The following MTHFD1L variants were observed in gnomAD, a reference collection of about 807,000 sequenced individuals.
The protein encoded by MTHFD1L is methylenetetrahydrofolate dehydrogenase (NADP+ dependent) 1 like.
A neutral mutation model predicts 119.5 loss-of-function variants in MTHFD1L; 81 were observed. That is an observed-to-expected ratio of 0.68 (90% CI 0.57 to 0.82). The LOEUF is 0.82. MTHFD1L is among the 40% of genes least tolerant of loss of function. The pLI is 0.00. For missense variants in MTHFD1L, 1,125 were observed against 1,253.4 expected (o/e 0.90, Z 1.55); for synonymous variants, 430 against 475.2 (o/e 0.90, Z 1.24).
rs534456760 is a variant in MTHFD1L, at chr6:150,984,573, A to G, written c.2125+12515A>G. On this transcript the variant is annotated intron_variant, in intron 20 of 27. Coordinates refer to ENST00000367321, the MANE Select transcript of MTHFD1L (RefSeq NM_015440.5). ...AAACACAGGAACCAAAAACAAGGGA[A>G]AAAAAAAAAAAAAGGAAGATAAATA... Among the ~76,000 whole-genome samples the G allele has an allele frequency of 3.7e-3, 532 of 143,950 alleles. 2 individuals carry two copies. Among genetic ancestry groups the G allele is most frequent in the African/African-American group, 0.012 (443 of 36,690 alleles). The allele number at this position is 143,950 out of a possible 152,430, so 94.4% of individuals were successfully genotyped here.
At chr6:150,947,259 A>T (rs905329528) in intron 15 of MTHFD1L, among the ~76,000 whole-genome samples, 1 of 150,288 alleles carries the variant, frequency 6.7e-6, no homozygotes, top group Non-Finnish European at 1.5e-5. Context: ...CATGCCAGCG[A>T]ATTTTTTGTA....
rs555962937 is a variant in MTHFD1L, at chr6:151,051,184, C to G, written c.2847+14067C>G. ...ATGAATAGAGCAAAATCACCCCTATCAGAAATTTCAAGAGTTTTAGGAAAC... is the reference window on the plus strand; with the variant it reads ...ATGAATAGAGCAAAATCACCCCTATGAGAAATTTCAAGAGTTTTAGGAAAC... On this transcript the variant is annotated intron_variant, in intron 26 of 27. Transcript: ENST00000367321. Among the ~76,000 whole-genome samples the G allele has an allele frequency of 2.0e-5, 3 of 152,296 alleles. No individual in the cohort carries two copies. The South Asian group carries it at 6.2e-4, about 32-fold the overall frequency.
At chr6:150,898,366 T>C (rs991049589) in intron 7 of MTHFD1L, among the ~76,000 whole-genome samples, 9 of 152,154 alleles carry the variant, frequency 5.9e-5, no homozygotes, top group Admixed American at 5.9e-4. Flanking sequence ...ACTCCACTCA[T>C]GGTGCTCTCC....
At position 151,023,385 on chromosome 6, in the gene MTHFD1L, A is replaced by G. The variant is rs570522923; in HGVS notation, c.2586+7692A>G. The stretch of plus-strand genomic sequence containing the variant: ...GCTTGACCAGACCTTCTGCAAACAC[A>G]CCTTAGATCCCTCTCAAATCTAGAT... On this transcript the variant is annotated intron_variant, in intron 24 of 27. Transcript: ENST00000367321. Among the ~76,000 whole-genome samples the G allele has an allele frequency of 9.2e-5, 14 of 151,704 alleles. No individual in the cohort carries two copies. The South Asian group carries it at 2.9e-3, about 32-fold the overall frequency.
chr6:150,911,614 A>G (rs1786891008), intron 8 of MTHFD1L, among the ~76,000 whole-genome samples: 1 of 152,124 alleles, frequency 6.6e-6, no homozygotes, highest in African/African-American at 2.4e-5. Flanking sequence ...GGAATCACAT[A>G]TATCTTACAT....
chr6:151,098,486 C>T (rs1409345436), intron 27 of MTHFD1L, among the ~76,000 whole-genome samples: 3 of 152,164 alleles, frequency 2.0e-5, no homozygotes, highest in East Asian at 3.9e-4. Context: ...TGCCTTCTTC[C>T]TTTCTGCTTC....
intron 11 of MTHFD1L, among the ~76,000 whole-genome samples, chr6:150,936,560 G>C (rs1333184459): frequency 6.6e-6 from 1 of 152,188 alleles, no homozygotes; most frequent in African/African-American, 2.4e-5. Flanking sequence ...TGAAACTGAT[G>C]TTGTTATTAG....
chr6:151,002,230 A>C (rs1342682092), intron 20 of MTHFD1L, among the ~76,000 whole-genome samples: 1 of 152,236 alleles, frequency 6.6e-6, no homozygotes, highest in Non-Finnish European at 1.5e-5. Context: ...GGTTGCTAGC[A>C]GACAGGCCTT....
At chr6:150,974,524 G>A (rs908814636) in intron 20 of MTHFD1L, among the ~76,000 whole-genome samples, 4 of 152,070 alleles carry the variant, frequency 2.6e-5, no homozygotes, top group African/African-American at 9.7e-5. Context: ...CTGCAGAACC[G>A]AAGTCCCATG....
At chr6:150,956,173 G>GGGGA in intron 17 of MTHFD1L, 102 bp downstream of exon 17, 4 of 1,159,078 alleles carry the variant, frequency 3.5e-6, no homozygotes, top group Non-Finnish European at 5.1e-6. Flanking sequence ...CCAACCTGTT[G>GGGGA]TGGCCAGTGG....
intron 13 of MTHFD1L, among the ~76,000 whole-genome samples, chr6:150,939,702 T>TTTTTTTTTTTA (rs1792751088): frequency 5.4e-5 from 8 of 149,018 alleles, no homozygotes; most frequent in South Asian, 2.1e-4. Flanking sequence ...TTTTTTTTTT[T>TTTTTTTTTTTA]GAGACAGAGT....
At chr6:151,077,464 G>A (rs1204069732) in intron 26 of MTHFD1L, among the ~76,000 whole-genome samples, 3 of 152,164 alleles carry the variant, frequency 2.0e-5, no homozygotes, top group Non-Finnish European at 4.4e-5. Flanking sequence ...TCAACCTGAT[G>A]AAACCCCATC....
At chr6:150,933,938 C>G (rs1166241713) in intron 11 of MTHFD1L, among the ~76,000 whole-genome samples, 1 of 152,164 alleles carries the variant, frequency 6.6e-6, no homozygotes, top group African/African-American at 2.4e-5. Context: ...TTTTATACTA[C>G]GCCTTCTTAG....
intron 26 of MTHFD1L, among the ~76,000 whole-genome samples, chr6:151,066,718 T>C (rs1791319689): frequency 6.6e-6 from 1 of 151,172 alleles, no homozygotes; most frequent in African/African-American, 2.4e-5. Context: ...TGAGCCAAGA[T>C]TGCGCCATTG....
intron 14 of MTHFD1L, 150 bp downstream of exon 14, chr6:150,944,743 AAGG>A (rs1793664297): frequency 9.4e-6 from 6 of 637,218 alleles, no homozygotes; most frequent in East Asian, 8.3e-5. Context: ...CCTGTTTCCC[AAGG>A]AGAAGGAGCC....
chr6:150,965,785 T>G (rs944801368), intron 19 of MTHFD1L, among the ~76,000 whole-genome samples: 2 of 152,264 alleles, frequency 1.3e-5, no homozygotes, highest in Non-Finnish European at 1.5e-5. Context: ...TTGGTTTGCT[T>G]TTTTATTGTT....
At chr6:151,014,803 T>G (rs970209537) in intron 22 of MTHFD1L, 77 bp from the exon 23 acceptor site, 1 of 1,024,972 alleles carries the variant, frequency 9.8e-7, no homozygotes, top group African/African-American at 1.6e-5. Flanking sequence ...GCCAGAGAGG[T>G]GCTGGCAGTT....
intron 13 of MTHFD1L, 150 bp downstream of exon 13, chr6:150,938,895 GCAGTGA>G: frequency 2.4e-6 from 2 of 822,196 alleles, no homozygotes; most frequent in Non-Finnish European, 4.0e-6. Flanking sequence ...CATAACTCAT[GCAGTGA>G]CAAACCCTAG....
At chr6:150,891,767 A>G (rs1220566800) in intron 7 of MTHFD1L, among the ~76,000 whole-genome samples, 1 of 152,068 alleles carries the variant, frequency 6.6e-6, no homozygotes, top group Non-Finnish European at 1.5e-5. Context: ...TTCCATTTCT[A>G]TGTCTGAAAT....
Sources: gnomAD v4.1 joint callset for allele counts (sites outside exome capture counted in the v4.1 genomes callset) on GRCh38, gnomAD v4.1.1 for gene constraint, MANE v1.5 for transcripts, NCBI Gene and HGNC (gene_info 2026-07-23, HGNC 2026-07-21) for gene names.